NTNG2: variants seen among roughly 807,000 people sequenced by gnomAD.
NTNG2 encodes netrin G2.
Under a neutral mutation model 47.6 loss-of-function variants are expected in NTNG2, and 15 were observed. The ratio of observed to expected loss-of-function variants is 0.32; its 90% CI spans 0.21 to 0.49. The LOEUF (loss-of-function observed/expected upper bound fraction) is 0.49, where lower values mean the gene tolerates loss of function less well. Ranked by LOEUF, NTNG2 falls within the 20% of genes least tolerant of loss-of-function variation. The pLI, the probability that NTNG2 is intolerant of heterozygous loss-of-function variation, is 0.99. For synonymous variants in NTNG2, 307 were observed against 324.6 expected (o/e 0.95, Z 0.58); for missense variants, 578 against 764.6 (o/e 0.76, Z 2.88).
Position 132,244,521 on chromosome 9 carries a change from T to C in NTNG2, c.*2410T>C, listed in dbSNP as rs1266191719. On this transcript the variant is annotated 3_prime_UTR_variant, in exon 8 of 8. Coordinates refer to ENST00000393229, the MANE Select transcript of NTNG2 (RefSeq NM_032536.4). ...AGAAAAAAAATAAACGGTGATGTGA[T>C]TAAAACACTAGAATTTGGGTTTTCT... 1 of 152,280 alleles carries C rather than the reference T, an allele frequency of 6.6e-6. No individual in the cohort carries two copies. Among genetic ancestry groups the C allele is most frequent in the African/African-American group, 2.4e-5 (1 of 41,468 alleles). The allele number at this position is 152,280 out of a possible 1,614,324, so 9.4% of individuals were successfully genotyped here.
At chr9:132,164,301 C>T (rs1390331774) in intron 1 of NTNG2, among the ~76,000 whole-genome samples, 3 of 152,212 alleles carry the variant, frequency 2.0e-5, no homozygotes, top group African/African-American at 4.8e-5. Context: ...TTGCGCCGCG[C>T]GCGCCGCTCG....
In NTNG2 at chr9:132,198,538, C is replaced by T. The variant is rs1336536224; in HGVS notation, c.786C>T (p.Gly262=). Residue 262 remains glycine, a synonymous_variant, in exon 3 of 8, where the codon GGC becomes GGT. Coordinates refer to ENST00000393229, the MANE Select transcript of NTNG2 (RefSeq NM_032536.4). ...LRMRLLRPAL[G]GTYVQRENLY... ...TGCGGCTGCTGCGCCCGGCGCTGGG[C>T]GGCACCTATGTGCAGCGGGAGAACC... The T allele has an allele frequency of 2.5e-6, 4 of 1,612,972 alleles. No individual in the cohort carries two copies. Among genetic ancestry groups the T allele is most frequent in the Non-Finnish European group, 2.5e-6 (3 of 1,180,004 alleles).
Position 132,197,938 on chromosome 9 carries a change from C to A in NTNG2, c.214-28C>A. On this transcript the variant is annotated intron_variant, in intron 2 of 7. Coordinates refer to ENST00000393229, the MANE Select transcript of NTNG2 (RefSeq NM_032536.4). This position sits in a 1 kb window ranked among gnomAD's most constrained non-coding sequence, Gnocchi z 4.3. ...GGCCATCCCGAGCATCCAGCACCCA[C>A]CCTTCCCTTCTCCTCTCCCCGCTGC... is the stretch of plus-strand genomic sequence containing the variant. 6.3e-7 allele frequency: 1 copy of A among 1,588,996 alleles called. No homozygotes were observed. The highest frequency in any genetic ancestry group is 8.6e-7 in the Non-Finnish European group (1 of 1,166,924).
chr9:132,172,951 G>C (rs1050982713), intron 2 of NTNG2, among the ~76,000 whole-genome samples: 3 of 151,910 alleles, frequency 2.0e-5, no homozygotes, highest in Admixed American at 2.0e-4. Context: ...GGATGGTCTC[G>C]ATCTCCTGAC....
chr9:132,223,554 C>A (rs1465085409), intron 3 of NTNG2, among the ~76,000 whole-genome samples: 2 of 152,126 alleles, frequency 1.3e-5, no homozygotes, highest in African/African-American at 4.8e-5. Flanking sequence ...GCCAGTTACA[C>A]ATCCTCAAAA....
intron 2 of NTNG2, among the ~76,000 whole-genome samples, chr9:132,171,705 C>T (rs1673534004): frequency 6.6e-6 from 1 of 152,212 alleles, no homozygotes; most frequent in African/African-American, 2.4e-5. Flanking sequence ...GTCCTGGAGT[C>T]CTTGAGCCAC....
At chr9:132,171,846 CCTT>C (rs1324243964) in intron 2 of NTNG2, among the ~76,000 whole-genome samples, 1 of 152,246 alleles carries the variant, frequency 6.6e-6, no homozygotes, top group East Asian at 1.9e-4. Flanking sequence ...GCTCTGGCCT[CCTT>C]CCCCCTCTGT....
chr9:132,216,529 C>A (rs1840009607), intron 3 of NTNG2, among the ~76,000 whole-genome samples: 1 of 150,242 alleles, frequency 6.7e-6, no homozygotes, highest in Admixed American at 6.7e-5. Context: ...TGCAGTGGGG[C>A]AGGGGTGGAG....
At chr9:132,195,103 CTCTT>C (rs544393755) in intron 2 of NTNG2, among the ~76,000 whole-genome samples, 22 of 152,250 alleles carry the variant, frequency 1.4e-4, no homozygotes, top group South Asian at 6.2e-4. Flanking sequence ...TTCTTTCTTT[CTCTT>C]TCTTTCTTTC....
In NTNG2 at chr9:132,235,785, CCCCT is replaced by C. The variant is rs1220896637; in HGVS notation, c.1055-3313_1055-3310del. Among the ~76,000 whole-genome samples the C allele has an allele frequency of 3.3e-5, 5 of 152,178 alleles. No homozygotes were observed. The East Asian group carries it at 9.6e-4, about 29-fold the overall frequency. Reference sequence around the variant, plus strand: ...GGAAGCGCCCTCTTAGACTCGTAGGCCCCTCCCTCTGTAGTGGAAGTAGCAGGTG... The same window carrying C: ...GGAAGCGCCCTCTTAGACTCGTAGGCCCCTCTGTAGTGGAAGTAGCAGGTG... On this transcript the variant is annotated intron_variant, in intron 5 of 7. Coordinates refer to ENST00000393229, the MANE Select transcript of NTNG2 (RefSeq NM_032536.4).
rs1419575602 is a variant in NTNG2, at chr9:132,163,123, C to T, written c.-484+884C>T. Among the ~76,000 whole-genome samples, 2 of 152,192 alleles carry T rather than the reference C, an allele frequency of 1.3e-5. No individual in the cohort carries two copies. Among genetic ancestry groups the T allele is most frequent in the Middle Eastern group, 6.3e-3 (2 of 316 alleles). On this transcript the variant is annotated intron_variant, in intron 1 of 7. Coordinates refer to ENST00000393229, the MANE Select transcript of NTNG2 (RefSeq NM_032536.4). This position sits in a 1 kb window ranked among gnomAD's most constrained non-coding sequence, Gnocchi z 7.2. ...GCCGAAAAAGGGGGCGCCTCAGTCCCGGCCGGGCCTTTATTACGGGCTTAA... is the reference window on the plus strand; with the variant it reads ...GCCGAAAAAGGGGGCGCCTCAGTCCTGGCCGGGCCTTTATTACGGGCTTAA...
chr9:132,214,908 G>A (rs1289996127), intron 3 of NTNG2, among the ~76,000 whole-genome samples: 1 of 150,214 alleles, frequency 6.7e-6, no homozygotes, highest in Non-Finnish European at 1.5e-5. Context: ...GTCTTGCTCT[G>A]TCACCCAGGC....
At position 132,166,652 on chromosome 9, in the gene NTNG2, CT is replaced by C; in HGVS notation, c.-176del. The C allele has an allele frequency of 1.6e-6, 1 of 615,808 alleles. No individual in the cohort carries two copies. The highest frequency in any genetic ancestry group is 2.9e-6 in the Non-Finnish European group (1 of 348,332). 38.1% of individuals were successfully genotyped at this position (615,808 alleles called of 1,614,324 possible). On this transcript the variant is annotated 5_prime_UTR_variant, in exon 2 of 8. Transcript: ENST00000393229. ...CTGGCTCTGAATTTTCCGTGTCGGCCTTTTGGAAACAACAAGTTCCTCGCTG... is the reference window on the plus strand; with the variant it reads ...CTGGCTCTGAATTTTCCGTGTCGGCCTTTGGAAACAACAAGTTCCTCGCTG...
At chr9:132,217,127 C>A (rs1840046308) in intron 3 of NTNG2, among the ~76,000 whole-genome samples, 1 of 152,212 alleles carries the variant, frequency 6.6e-6, no homozygotes, top group Non-Finnish European at 1.5e-5. Context: ...CCCATCTGAG[C>A]CTCGCATTCT....
In NTNG2 at chr9:132,239,130, C is replaced by T. The variant is rs1841829895; in HGVS notation, c.1081C>T (p.Arg361Cys). Residue 361 changes from arginine (R) to cysteine (C), a missense_variant, in exon 6 of 8, where the codon CGC becomes TGC. Transcript: ENST00000393229. ...GNCECYGHSNRCSYIDFLNVV... is the reference protein window; with the variant it reads ...GNCECYGHSNCCSYIDFLNVV... ...CTGCGAATGCTACGGTCACTCCAAC[C>T]GCTGCAGCTACATTGACTTCCTGAA... The T allele has an allele frequency of 6.2e-7, 1 of 1,613,708 alleles. No individual in the cohort carries two copies. The highest frequency in any genetic ancestry group is 1.3e-5 in the African/African-American group (1 of 75,048).
intron 3 of NTNG2, among the ~76,000 whole-genome samples, chr9:132,217,680 C>A (rs528981802): frequency 6.6e-6 from 1 of 152,154 alleles, no homozygotes; most frequent in African/African-American, 2.4e-5. Flanking sequence ...TTGTCTCATG[C>A]AAGAGCTTTA....
chr9:132,217,668 G>A (rs1435838929), intron 3 of NTNG2, among the ~76,000 whole-genome samples: 1 of 152,188 alleles, frequency 6.6e-6, no homozygotes, highest in Non-Finnish European at 1.5e-5. Context: ...CTAGGCACCT[G>A]TTTGTCTCAT....
intron 3 of NTNG2, among the ~76,000 whole-genome samples, chr9:132,204,658 TG>T (rs1839031257): frequency 6.6e-6 from 1 of 152,210 alleles, no homozygotes; most frequent in Non-Finnish European, 1.5e-5. Context: ...TGTCATTCAC[TG>T]AGAATTCCCA....
At chr9:132,240,814 G>C (rs1841925839) in intron 6 of NTNG2, 96 bp from the exon 7 acceptor site, 1 of 1,561,842 alleles carries the variant, frequency 6.4e-7, no homozygotes, top group South Asian at 1.1e-5. Context: ...CCTGGGGAGT[G>C]TGGAGATGCT....
Sources: allele counts gnomAD v4.1 joint callset (sites outside exome capture counted in the v4.1 genomes callset), GRCh38; gene constraint gnomAD v4.1.1; non-coding constraint Gnocchi (gnomAD v3.1); transcripts MANE v1.5; gene names NCBI Gene and HGNC (gene_info 2026-07-23, HGNC 2026-07-21).